TRIM67: variants seen among roughly 807,000 people sequenced by gnomAD.
TRIM67 encodes tripartite motif containing 67, also known as tripartite motif-containing protein 67.
Under a neutral mutation model 71.0 loss-of-function variants are expected in TRIM67, and 39 were observed. The observed-to-expected ratio is 0.55, with a 90% CI of 0.43 to 0.72. TRIM67 has a LOEUF of 0.72. TRIM67 is among the 30% of genes least tolerant of loss of function. The pLI is 0.00. For missense variants in TRIM67, 973 were observed against 1,079.2 expected (o/e 0.90, Z 1.38); for synonymous variants, 481 against 473.9 (o/e 1.01, Z -0.19).
Position 231,209,152 on chromosome 1 carries a change from G to A in TRIM67, c.2025G>A (p.Val675=). 1 of 1,613,656 alleles carries A rather than the reference G, an allele frequency of 6.2e-7. No homozygotes were observed. The highest frequency in any genetic ancestry group is 8.5e-7 in the Non-Finnish European group (1 of 1,179,742). The change falls in exon 8 of 10, where the codon GTG becomes GTA. Residue 675 remains valine, a synonymous_variant. Coordinates refer to ENST00000366653, the MANE Select transcript of TRIM67 (RefSeq NM_001004342.5). This position sits in a 1 kb window ranked among gnomAD's most constrained non-coding sequence, Gnocchi z 4.1. ...CCTTCGGGGTGGCCAGGGCCAGCGT[G>A]GTCAAGGACATGATGCTGGGCAAGG... ...DPAFGVARAS[V]VKDMMLGKDD...
rs1683620017 is a variant in TRIM67 at position 231,203,868 on chromosome 1, G to A, written c.1536G>A (p.Val512=). 2.5e-6 allele frequency: 4 copies of A among 1,612,952 alleles called. No homozygotes were observed. The highest frequency in any genetic ancestry group is 2.2e-5 in the South Asian group (2 of 90,990). ...QLDFIQMKCR[V]PPVPLLQLEK... ...AACTCATGTGTGTCCCCCTCGCAGTGCCACCCGTCCCCCTACTGCAGCTGG... is the reference window on the plus strand; with the variant it reads ...AACTCATGTGTGTCCCCCTCGCAGTACCACCCGTCCCCCTACTGCAGCTGG... The change falls in exon 6 of 10, where the codon GTG becomes GTA. Residue 512 remains valine (V), a splice_region_variant and synonymous_variant. Transcript: ENST00000366653.
chr1:231,191,918 C>T (rs1340906098), intron 1 of TRIM67, among the ~76,000 whole-genome samples: 2 of 152,078 alleles, frequency 1.3e-5, no homozygotes, highest in African/African-American at 4.8e-5. Context: ...ATGCTGCCTA[C>T]CTTGTGGCAC....
At chr1:231,193,503 G>GCTCGCTCTCTCT (rs1553325672) in intron 1 of TRIM67, among the ~76,000 whole-genome samples, 5 of 81,946 alleles carry the variant, frequency 6.1e-5, no homozygotes, top group South Asian at 5.2e-4. Flanking sequence ...TCTCTCTCAA[G>GCTCGCTCTCTCT]CTCTCTCTCT....
At chr1:231,207,141 G>A (rs767508256) in intron 7 of TRIM67, among the ~76,000 whole-genome samples, 1 of 152,174 alleles carries the variant, frequency 6.6e-6, no homozygotes, top group Non-Finnish European at 1.5e-5. Context: ...TACAAGCCAC[G>A]AAAGAAACAT....
At chr1:231,171,812 A>G (rs1389661815) in intron 1 of TRIM67, among the ~76,000 whole-genome samples, 2 of 152,212 alleles carry the variant, frequency 1.3e-5, no homozygotes, top group African/African-American at 4.8e-5. Flanking sequence ...CAAAAAAACA[A>G]GTCTGGGCAT....
chr1:231,186,042 A>G (rs1327477375), intron 1 of TRIM67: 1 of 1,518,092 alleles, frequency 6.6e-7, no homozygotes, highest in Admixed American at 2.0e-5. Context: ...TCCCAGGGAA[A>G]AAGAAGGGGA....
chr1:231,181,704 T>G (rs1169968712), intron 1 of TRIM67, among the ~76,000 whole-genome samples: 3 of 152,150 alleles, frequency 2.0e-5, no homozygotes, highest in Non-Finnish European at 4.4e-5. Context: ...TTTTCGTGGC[T>G]TTTTTTGCTT....
intron 1 of TRIM67, among the ~76,000 whole-genome samples, chr1:231,174,152 C>CTTTTTTTTTTTTTTTTTTTT (rs35651112): frequency 7.9e-6 from 1 of 127,352 alleles, no homozygotes; most frequent in African/African-American, 2.9e-5. Context: ...GTCTTATTTT[C>CTTTTTTTTTTTTTTTTTTTT]TTTTTTTTTT....
Position 231,163,925 on chromosome 1 carries a change from G to A in TRIM67, c.956G>A (p.Arg319Gln), listed in dbSNP as rs1205604141. The change falls in exon 1 of 10, where the codon CGA becomes CAA. Residue 319 changes from arginine (R) to glutamine (Q), a missense_variant. Arg to Gln is a conservative substitution (Grantham distance 43). This residue lies in a region of TRIM67 where 795 missense variants were observed against 831.3 expected (regional missense o/e 0.96). Coordinates refer to ENST00000366653, the MANE Select transcript of TRIM67 (RefSeq NM_001004342.5). The stretch of plus-strand genomic sequence containing the variant: ...TACAGCATGTACTGCGTGAGCTGTC[G>A]AACCCCGGTGTGTTATCTGTGCCTG... The part of the protein sequence containing the change: ...ENYSMYCVSC[R>Q]TPVCYLCLEE... 5.5e-5 allele frequency: 87 copies of A among 1,585,150 alleles called. No individual in the cohort carries two copies. Among genetic ancestry groups the A allele is most frequent in the Non-Finnish European group, 7.4e-5 (86 of 1,166,164 alleles).
At position 231,220,321 on chromosome 1, in the gene TRIM67, C is replaced by T. The variant is rs187483453; in HGVS notation, c.*4881C>T. On this transcript the variant is annotated 3_prime_UTR_variant, in exon 10 of 10. Coordinates refer to ENST00000366653, the MANE Select transcript of TRIM67 (RefSeq NM_001004342.5). ...ACACCCCATATGTTTCCATTCCCGG[C>T]GAGGCCTGTTTGAATGGCGCTCTGT... 1.3e-4 allele frequency: 26 copies of T among 198,830 alleles called. No homozygotes were observed. Among genetic ancestry groups the T allele is most frequent in the East Asian group, 4.1e-4 (3 of 7,316 alleles). The allele number at this position is 198,830 out of a possible 1,614,324, so 12.3% of individuals were successfully genotyped here.
chr1:231,192,689 G>C, intron 1 of TRIM67, among the ~76,000 whole-genome samples: 1 of 152,226 alleles, frequency 6.6e-6, no homozygotes, highest in East Asian at 1.9e-4. Flanking sequence ...CCCTCACACT[G>C]CCCATTTTGG....
chr1:231,204,369 T>C (rs546274595), intron 6 of TRIM67, among the ~76,000 whole-genome samples: 32 of 152,338 alleles, frequency 2.1e-4, no homozygotes, highest in African/African-American at 6.3e-4. Context: ...CTGTCTTGTC[T>C]TGGGAGGTAT....
intron 1 of TRIM67, among the ~76,000 whole-genome samples, chr1:231,183,600 T>G (rs1682968746): frequency 6.6e-6 from 1 of 152,012 alleles, no homozygotes; most frequent in Admixed American, 6.6e-5. Context: ...GACAACAAAA[T>G]GAGACCCCCA....
intron 6 of TRIM67, among the ~76,000 whole-genome samples, chr1:231,204,792 C>T (rs1683651757): frequency 6.6e-6 from 1 of 152,218 alleles, no homozygotes; most frequent in Non-Finnish European, 1.5e-5. Flanking sequence ...GGAAGTTGCA[C>T]CCATTTAACA....
At chr1:231,170,365 C>A (rs941001771) in intron 1 of TRIM67, among the ~76,000 whole-genome samples, 1 of 152,236 alleles carries the variant, frequency 6.6e-6, no homozygotes, top group East Asian at 1.9e-4. Context: ...AGGCAAGAAT[C>A]CAGAAACTTG....
At chr1:231,175,652 A>G (rs1451633280) in intron 1 of TRIM67, among the ~76,000 whole-genome samples, 1 of 152,228 alleles carries the variant, frequency 6.6e-6, no homozygotes. Flanking sequence ...ACAGCAGCCC[A>G]TTGCTCCGAA....
chr1:231,191,798 G>T (rs1465172451), intron 1 of TRIM67, among the ~76,000 whole-genome samples: 4 of 152,174 alleles, frequency 2.6e-5, no homozygotes, highest in African/African-American at 4.8e-5. Flanking sequence ...GCCCAGTGTG[G>T]GAGAGGATTG....
At position 231,219,332 on chromosome 1, in the gene TRIM67, T is replaced by C; in HGVS notation, c.*3892T>C. 2 of 987,036 alleles carry C rather than the reference T, an allele frequency of 2.0e-6. No homozygotes were observed. The highest frequency in any genetic ancestry group is 2.4e-6 in the Non-Finnish European group (2 of 831,024). 61.1% of individuals were successfully genotyped at this position (987,036 alleles called of 1,614,324 possible). A position where few individuals can be genotyped will look rare whatever the true frequency, so the allele number is the denominator to read the frequency against. ...TCTGTCGACATTGCTAGGTATCTCC[T>C]GGGGGCCTCCACAAGTTGAGAACCA... On this transcript the variant is annotated 3_prime_UTR_variant, in exon 10 of 10. Transcript: ENST00000366653.
chr1:231,163,358 TG>T lies in TRIM67; in HGVS notation c.391del (p.Val131CysfsTer186). On this transcript the variant is annotated frameshift_variant, in exon 1 of 10. Coordinates refer to ENST00000366653, the MANE Select transcript of TRIM67 (RefSeq NM_001004342.5). LOFTEE classifies it high-confidence loss of function. ...CCCAACGGGGTTCGCGTGCTGCCCATGGTGCCCGCACCACCCGGCTCCTCGG... is the reference window on the plus strand; with the variant it reads ...CCCAACGGGGTTCGCGTGCTGCCCATGTGCCCGCACCACCCGGCTCCTCGG... The part of the protein sequence containing the change: ...KSPNGVRVLP[M>X]VPAPPGSSAA... 1 of 1,532,668 alleles carries T rather than the reference TG, an allele frequency of 6.5e-7. No individual in the cohort carries two copies. The highest frequency in any genetic ancestry group is 8.8e-7 in the Non-Finnish European group (1 of 1,140,150). 94.9% of individuals were successfully genotyped at this position (1,532,668 alleles called of 1,614,324 possible).
Sources: gnomAD v4.1 joint callset for allele counts (sites outside exome capture counted in the v4.1 genomes callset) on GRCh38, gnomAD v4.1.1 for gene constraint, gnomAD v4.1.1 regional missense constraint, Gnocchi (gnomAD v3.1) non-coding constraint, MANE v1.5 for transcripts, NCBI Gene and HGNC (gene_info 2026-07-23, HGNC 2026-07-21) for gene names.